Variants in TMEM233 observed in about 807,000 individuals in gnomAD.
TMEM233 encodes the protein dispanin subfamily B member 2.
Under a neutral mutation model 11.2 loss-of-function variants are expected in TMEM233, and 6 were observed. The ratio of observed to expected loss-of-function variants is 0.54; its 90% CI spans 0.29 to 1.06. The LOEUF is 1.06. Among genes scored for constraint, TMEM233 ranks in the 50% least tolerant of loss-of-function variants. TMEM233 has a pLI of 0.08. For missense variants in TMEM233, 127 were observed against 144.7 expected, an observed-to-expected ratio of 0.88 and a Z score of 0.63; for synonymous variants, 59 against 55.8, an observed-to-expected ratio of 1.06 and a Z score of -0.26.
chr12:119,602,549 C>T (rs1005385606), intron 1 of TMEM233, among the ~76,000 whole-genome samples: 1 of 152,136 alleles, frequency 6.6e-6, no homozygotes, highest in Non-Finnish European at 1.5e-5. Flanking sequence ...ATGGGAAGGC[C>T]GCATTCCAGA....
At chr12:119,647,866 C>T (rs1424233890), downstream of TMEM233, among the ~76,000 whole-genome samples, 1 of 135,382 alleles carries the variant, frequency 7.4e-6, no homozygotes, top group Non-Finnish European at 1.5e-5. Context: ...TGAGTGAGAA[C>T]ATGCGGTGTT....
chr12:119,653,242 A>C, the TMEM233 span, among the ~76,000 whole-genome samples: 1 of 152,002 alleles, frequency 6.6e-6, no homozygotes, highest in Admixed American at 6.6e-5. Context: ...AATACAAAAA[A>C]TTAACCAGGC....
At position 119,640,756 on chromosome 12, in the gene TMEM233, C is replaced by A; in HGVS notation, c.*51C>A. 6.5e-7 allele frequency: 1 copy of A among 1,548,748 alleles called. No individual in the cohort carries two copies. The highest frequency in any genetic ancestry group is 2.0e-5 in the Admixed American group (1 of 50,856). Reference sequence around the variant, plus strand: ...GCGTGGAGGATGGACCTCATCCACACACACCCCAAAGGAGTTTCTAAGGAA... The same window carrying A: ...GCGTGGAGGATGGACCTCATCCACAAACACCCCAAAGGAGTTTCTAAGGAA... On this transcript the variant is annotated 3_prime_UTR_variant, in exon 3 of 3. Transcript: ENST00000426426.
At chr12:119,605,534 T>C (rs530772541) in intron 1 of TMEM233, among the ~76,000 whole-genome samples, 1 of 146,294 alleles carries the variant, frequency 6.8e-6, no homozygotes, top group East Asian at 2.2e-4. Context: ...GCTAAGTCGA[T>C]CCTCCCAGTT....
intron 1 of TMEM233, among the ~76,000 whole-genome samples, chr12:119,605,409 CTTTTTTTTTTTTTTTTTT>C (rs6144897): frequency 9.6e-5 from 9 of 93,644 alleles, no homozygotes; most frequent in Non-Finnish European, 1.2e-4. Flanking sequence ...TATGCCTTTC[CTTTTTTTTTTTTTTTTTT>C]TTTTTTTTTT....
intron 1 of TMEM233, among the ~76,000 whole-genome samples, chr12:119,612,873 T>G (rs2136709846): frequency 6.6e-6 from 1 of 151,994 alleles, no homozygotes; most frequent in South Asian, 2.1e-4. Context: ...TGAGCCATGA[T>G]CTCACCACTG....
intron 1 of TMEM233, among the ~76,000 whole-genome samples, chr12:119,618,447 C>A (rs1448338511): frequency 1.3e-5 from 2 of 152,204 alleles, no homozygotes; most frequent in Non-Finnish European, 2.9e-5. Flanking sequence ...CTGCACCATG[C>A]ACCTGGAAAA....
intron 1 of TMEM233, among the ~76,000 whole-genome samples, chr12:119,610,315 C>A (rs1350956214): frequency 6.6e-6 from 1 of 152,132 alleles, no homozygotes; most frequent in Non-Finnish European, 1.5e-5. Context: ...GCAGAAGGGA[C>A]TTGCCTTGTC....
At chr12:119,619,063 A>G (rs1954593009) in intron 1 of TMEM233, among the ~76,000 whole-genome samples, 1 of 152,136 alleles carries the variant, frequency 6.6e-6, no homozygotes, top group South Asian at 2.1e-4. Flanking sequence ...CATGCTATTC[A>G]TGTGATAGTG....
In TMEM233 at chr12:119,642,035, T is replaced by C. The variant is rs571240856; in HGVS notation, c.*1330T>C. ...ATGTGACATATTGTTTCTGTTCAAATAAATTAAGAAAAACAAGAGAACTCA... is the reference window on the plus strand; with the variant it reads ...ATGTGACATATTGTTTCTGTTCAAACAAATTAAGAAAAACAAGAGAACTCA... On this transcript the variant is annotated 3_prime_UTR_variant, in exon 3 of 3. Coordinates refer to ENST00000426426, the MANE Select transcript of TMEM233 (RefSeq NM_001136534.3). 1 of 152,160 alleles carries C rather than the reference T, an allele frequency of 6.6e-6. No homozygotes were observed. The highest frequency in any genetic ancestry group is 1.5e-5 in the Non-Finnish European group (1 of 68,012). 9.4% of individuals were successfully genotyped at this position (152,160 alleles called of 1,614,324 possible). A position where few individuals can be genotyped will look rare whatever the true frequency, so the allele number is the denominator to read the frequency against.
intron 1 of TMEM233, among the ~76,000 whole-genome samples, chr12:119,628,778 G>A (rs1954814505): frequency 6.6e-6 from 1 of 152,042 alleles, no homozygotes; most frequent in South Asian, 2.1e-4. Context: ...GGGATTACAG[G>A]CATGAGCCAC....
intron 2 of TMEM233, among the ~76,000 whole-genome samples, chr12:119,636,394 A>G (rs1354477576): frequency 6.6e-6 from 1 of 152,172 alleles, no homozygotes; most frequent in African/African-American, 2.4e-5. Flanking sequence ...ATAGCACAAC[A>G]TCACACCTAA....
At chr12:119,598,515 C>A (rs375783530) in intron 1 of TMEM233, among the ~76,000 whole-genome samples, 31 of 152,250 alleles carry the variant, frequency 2.0e-4, no homozygotes, top group African/African-American at 6.5e-4. Flanking sequence ...TATTGGGGGA[C>A]AATTCATGGC....
At chr12:119,640,655 C>T (rs888189741) in intron 2 of TMEM233, 44 bp from the exon 3 acceptor site, 3 of 1,547,584 alleles carry the variant, frequency 1.9e-6, no homozygotes, top group African/African-American at 2.7e-5. Context: ...CACAGAAGCT[C>T]AGCCCACGGT....
rs1377252483 is a variant in TMEM233, at chr12:119,594,735, G to A, written c.186+701G>A. ...CTCCCTCCGGCGCCCCCTTTTTAAC[G>A]CGCCCGAGGCTGGCTCACACCCACT... On this transcript the variant is annotated intron_variant, in intron 1 of 2. Coordinates refer to ENST00000426426, the MANE Select transcript of TMEM233 (RefSeq NM_001136534.3). The surrounding 1 kb of genome is among the most constrained non-coding windows in gnomAD (Gnocchi z 5.6). Among the ~76,000 whole-genome samples, 2 of 151,960 alleles carry A rather than the reference G, an allele frequency of 1.3e-5. No individual in the cohort carries two copies. The highest frequency in any genetic ancestry group is 6.6e-5 in the Admixed American group (1 of 15,260).
At chr12:119,604,224 G>A (rs1954220415) in intron 1 of TMEM233, among the ~76,000 whole-genome samples, 1 of 152,204 alleles carries the variant, frequency 6.6e-6, no homozygotes, top group Non-Finnish European at 1.5e-5. Context: ...AAAACTAGTT[G>A]TGTGTGGTGA....
downstream of TMEM233, among the ~76,000 whole-genome samples, chr12:119,647,920 A>T (rs1017665403): frequency 6.6e-6 from 1 of 152,116 alleles, no homozygotes; most frequent in Admixed American, 6.6e-5. Flanking sequence ...GCCCTACATG[A>T]TCAGACCCTT....
At chr12:119,648,071 G>A (rs1191549121), downstream of TMEM233, among the ~76,000 whole-genome samples, 1 of 151,916 alleles carries the variant, frequency 6.6e-6, no homozygotes, top group Non-Finnish European at 1.5e-5. Flanking sequence ...CCATTCTCCA[G>A]ATTTTCACAT....
downstream of TMEM233, among the ~76,000 whole-genome samples, chr12:119,645,856 G>A (rs999664686): frequency 3.9e-5 from 6 of 152,146 alleles, no homozygotes; most frequent in African/African-American, 7.2e-5. Flanking sequence ...CCCAGGTCAC[G>A]TGGAATCCCA....
Sources: allele counts gnomAD v4.1 joint callset (sites outside exome capture counted in the v4.1 genomes callset), GRCh38; gene constraint gnomAD v4.1.1; non-coding constraint Gnocchi (gnomAD v3.1); transcripts MANE v1.5; gene names NCBI Gene and HGNC (gene_info 2026-07-23, HGNC 2026-07-21).